PRKAR1A: variants seen among roughly 807,000 people sequenced by gnomAD.
The protein encoded by PRKAR1A is cAMP-dependent protein kinase type I-alpha regulatory subunit.
Under a neutral mutation model 52.0 loss-of-function variants are expected in PRKAR1A, and 3 were observed. The ratio of observed to expected loss-of-function variants is 0.06; its 90% CI spans 0.03 to 0.15. The LOEUF is 0.15. PRKAR1A is among the 10% of genes least tolerant of loss of function. PRKAR1A has a pLI of 1.00. For missense variants in PRKAR1A, 240 were observed against 477.4 expected, an observed-to-expected ratio of 0.50 and a Z score of 4.63; for synonymous variants, 188 against 168.4, an observed-to-expected ratio of 1.12 and a Z score of -0.90.
chr17:68,493,458 T>C, the PRKAR1A span, among the ~76,000 whole-genome samples: 8 of 152,176 alleles, frequency 5.3e-5, no homozygotes, highest in Admixed American at 4.6e-4. Flanking sequence ...GAATAGCTGA[T>C]TCCCCCCGCA....
At chr17:68,466,409 CTTTTTTTTTT>C in the PRKAR1A span, among the ~76,000 whole-genome samples, 8 of 118,358 alleles carry the variant, frequency 6.8e-5, no homozygotes, top group African/African-American at 2.5e-4. Flanking sequence ...TTTTCTCTCT[CTTTTTTTTTT>C]TTTTTTTTTT....
intron 7 of PRKAR1A, among the ~76,000 whole-genome samples, chr17:68,526,863 CT>C (rs2085808119): frequency 6.6e-6 from 1 of 152,290 alleles, no homozygotes; most frequent in Admixed American, 6.5e-5. Flanking sequence ...CACCAAACCC[CT>C]GTGACACCCA....
the PRKAR1A span, among the ~76,000 whole-genome samples, chr17:68,474,755 C>A: frequency 6.6e-6 from 1 of 152,022 alleles, no homozygotes; most frequent in Non-Finnish European, 1.5e-5. Flanking sequence ...ATTAGCTGGG[C>A]GTGGTGGCGG....
At chr17:68,512,324 G>C (rs1005793101), upstream of PRKAR1A, 2 of 153,176 alleles carry the variant, frequency 1.3e-5, no homozygotes, top group Non-Finnish European at 2.9e-5. Context: ...GGAGGAACTG[G>C]GGCTGTTGCG....
the PRKAR1A span, among the ~76,000 whole-genome samples, chr17:68,447,566 G>GACCTAGTAA: frequency 2.0e-5 from 3 of 151,902 alleles, no homozygotes; most frequent in Non-Finnish European, 4.4e-5. Flanking sequence ...TTATAGTAAA[G>GACCTAGTAA]ACCTAGTAAA....
the PRKAR1A span, chr17:68,427,054 G>T: frequency 8.4e-7 from 1 of 1,183,624 alleles, no homozygotes. Flanking sequence ...CAGTGAAGGG[G>T]GAAGGGGAGG....
intron 2 of PRKAR1A, among the ~76,000 whole-genome samples, chr17:68,516,461 A>T (rs909351117): frequency 1.3e-5 from 2 of 152,148 alleles, no homozygotes; most frequent in African/African-American, 4.8e-5. Context: ...GAATTAATTG[A>T]AATGAATCAT....
the PRKAR1A span, among the ~76,000 whole-genome samples, chr17:68,484,529 A>G: frequency 7.3e-6 from 1 of 136,976 alleles, no homozygotes; most frequent in Non-Finnish European, 1.6e-5. Context: ...GATGCCTTTT[A>G]TTTCTTGCTT....
the PRKAR1A span, among the ~76,000 whole-genome samples, chr17:68,491,984 A>G: frequency 6.6e-6 from 1 of 152,212 alleles, no homozygotes; most frequent in Non-Finnish European, 1.5e-5. Context: ...GGGCCAGCAG[A>G]CAGGGGAAGG....
intron 11 of PRKAR1A, chr17:68,542,573 C>A (rs78241877): frequency 2.5e-6 from 2 of 789,628 alleles, no homozygotes; most frequent in Non-Finnish European, 2.2e-6. Flanking sequence ...CAACTTCATA[C>A]GCCCATCCCA....
the PRKAR1A span, among the ~76,000 whole-genome samples, chr17:68,486,519 TTCTTTCTTTCTTTC>T: frequency 1.3e-5 from 1 of 75,238 alleles, no homozygotes; most frequent in Non-Finnish European, 2.9e-5. Context: ...CTTTCTTTCT[TTCTTTCTTTCTTTC>T]TTTCTTTCTT....
In PRKAR1A at chr17:68,515,403, G is replaced by C. The variant is rs1600461762; in HGVS notation, c.4G>C (p.Glu2Gln). Residue 2 changes from glutamate to glutamine, a missense_variant, in exon 2 of 11, where the codon GAG becomes CAG. This residue lies in a region of PRKAR1A where 107 missense variants were observed against 114.6 expected (regional missense o/e 0.93). Coordinates refer to ENST00000589228, the MANE Select transcript of PRKAR1A (RefSeq NM_002734.5). M[E>Q]SGSTAASEEA... The stretch of plus-strand genomic sequence containing the variant: ...TGTTTTTTTCTCGCAGAGAACCATG[G>C]AGTCTGGCAGTACCGCCGCCAGTGA... The C allele has an allele frequency of 6.2e-7, 1 of 1,613,172 alleles. No individual in the cohort carries two copies. Among genetic ancestry groups the C allele is most frequent in the South Asian group, 1.1e-5 (1 of 91,030 alleles).
the PRKAR1A span, chr17:68,421,778 A>G: frequency 1.9e-6 from 3 of 1,614,180 alleles, no homozygotes; most frequent in South Asian, 3.3e-5. Flanking sequence ...TCTCATCATG[A>G]CTGCTTCGTT....
At chr17:68,467,866 G>A in the PRKAR1A span, among the ~76,000 whole-genome samples, 1 of 151,476 alleles carries the variant, frequency 6.6e-6, no homozygotes, top group Non-Finnish European at 1.5e-5. Flanking sequence ...TTATGCAGGG[G>A]TTGTTGTTGT....
chr17:68,435,773 T>TC, the PRKAR1A span: 1 of 1,450,238 alleles, frequency 6.9e-7, no homozygotes, highest in Non-Finnish European at 9.7e-7. Flanking sequence ...GGATTTCACC[T>TC]CCCTCCCCTT....
At chr17:68,523,387 C>T (rs2085679727) in intron 3 of PRKAR1A, among the ~76,000 whole-genome samples, 1 of 152,146 alleles carries the variant, frequency 6.6e-6, no homozygotes, top group Admixed American at 6.5e-5. Context: ...GCTAACAGAT[C>T]ACAGATTTTT....
chr17:68,457,286 CT>C, the PRKAR1A span: 1 of 1,528,794 alleles, frequency 6.5e-7, no homozygotes, highest in East Asian at 2.7e-5. Context: ...GACGACACCC[CT>C]GGGTCCTGAC....
chr17:68,484,543 C>T, the PRKAR1A span, among the ~76,000 whole-genome samples: 2 of 150,394 alleles, frequency 1.3e-5, no homozygotes, highest in African/African-American at 2.4e-5. Context: ...CTTGCTTTTG[C>T]CTTGTTGAAC....
the PRKAR1A span, among the ~76,000 whole-genome samples, chr17:68,441,584 C>T: frequency 8.9e-4 from 135 of 152,238 alleles, 1 homozygote; most frequent in African/African-American, 3.1e-3. Context: ...TGAAGGTTCC[C>T]GAGTGAGGAC....
Sources: gnomAD v4.1 joint callset for allele counts (sites outside exome capture counted in the v4.1 genomes callset) on GRCh38, gnomAD v4.1.1 for gene constraint, gnomAD v4.1.1 regional missense constraint, MANE v1.5 for transcripts, NCBI Gene and HGNC (gene_info 2026-07-23, HGNC 2026-07-21) for gene names.